The following NIM1K variants were observed in gnomAD, a reference collection of about 807,000 sequenced individuals.
The protein encoded by NIM1K is serine/threonine-protein kinase NIM1.
NIM1K carries 35 observed loss-of-function variants against 37.1 expected under a neutral mutation model. That is an observed-to-expected ratio of 0.94 (90% CI 0.72 to 1.25). The LOEUF (loss-of-function observed/expected upper bound fraction) is 1.25, where lower values mean the gene tolerates loss of function less well. Among genes scored for constraint, NIM1K ranks in the 50% most tolerant of loss-of-function variants. The pLI is 0.00. For missense variants in NIM1K, 564 were observed against 548.0 expected, an observed-to-expected ratio of 1.03 and a Z score of -0.29; for synonymous variants, 234 against 206.6, an observed-to-expected ratio of 1.13 and a Z score of -1.14.
intron 1 of NIM1K, among the ~76,000 whole-genome samples, chr5:43,223,975 TC>T (rs200182408): frequency 1.6e-4 from 1 of 6,104 alleles, no homozygotes; most frequent in African/African-American, 1.9e-4. Flanking sequence ...CATGAAAGAT[TC>T]TTTTTTGAGG....
intron 1 of NIM1K, among the ~76,000 whole-genome samples, chr5:43,242,349 A>G (rs1209657634): frequency 2.0e-5 from 3 of 151,846 alleles, no homozygotes; most frequent in Non-Finnish European, 2.9e-5. Context: ...AAAGCAGAGA[A>G]CAAGCCCTGA....
intron 2 of NIM1K, among the ~76,000 whole-genome samples, chr5:43,265,841 A>G (rs1056085298): frequency 3.9e-5 from 6 of 152,180 alleles, no homozygotes; most frequent in Admixed American, 2.6e-4. Context: ...TTTTCCTTCT[A>G]ACAGACAGGA....
At chr5:43,270,302 CT>C (rs960085502) in intron 2 of NIM1K, among the ~76,000 whole-genome samples, 18 of 152,130 alleles carry the variant, frequency 1.2e-4, no homozygotes, top group Admixed American at 5.2e-4. Flanking sequence ...AGAAAGAAAG[CT>C]TTTTTGGAGG....
Position 43,280,450 on chromosome 5 carries a change from G to C in NIM1K, c.1032G>C (p.Leu344Phe), listed in dbSNP as rs1244155981. ...LEPFQLDPKH[L>F]SETSTLKEEE... ...CTTTCCAACTGGATCCCAAACATTTGTCGGAAACCAGCACTCTCAAGGAAG... is the reference window on the plus strand; with the variant it reads ...CTTTCCAACTGGATCCCAAACATTTCTCGGAAACCAGCACTCTCAAGGAAG... The change falls in exon 4 of 4, where the codon TTG (leucine) becomes TTC (phenylalanine). Residue 344 changes from leucine to phenylalanine, a missense_variant. Leu to Phe is a conservative substitution (Grantham distance 22). Coordinates refer to ENST00000326035, the MANE Select transcript of NIM1K (RefSeq NM_153361.4). The C allele has an allele frequency of 6.2e-7, 1 of 1,614,016 alleles. No homozygotes were observed. Among genetic ancestry groups the C allele is most frequent in the African/African-American group, 1.3e-5 (1 of 74,894 alleles).
At chr5:43,217,504 A>T (rs1287239986) in intron 1 of NIM1K, among the ~76,000 whole-genome samples, 1 of 150,694 alleles carries the variant, frequency 6.6e-6, no homozygotes, top group African/African-American at 2.4e-5. Context: ...TTACGTTCCA[A>T]CCAGCAGCAT....
In NIM1K at chr5:43,213,273, C is replaced by CT. The variant is rs1481836613; in HGVS notation, c.-695+20865dup. On this transcript the variant is annotated intron_variant, in intron 1 of 3. Coordinates refer to ENST00000326035, the MANE Select transcript of NIM1K (RefSeq NM_153361.4). ...TTCTTGTTCTTTCTTGTTTCTTTTT[C>CT]TTTCTTGTTTCCTTTCCTTTTCTTT... Among the ~76,000 whole-genome samples, 73 of 134,766 alleles carry CT rather than the reference C, an allele frequency of 5.4e-4. 10 individuals are homozygous for CT. The highest frequency in any genetic ancestry group is 1.8e-3 in the African/African-American group (63 of 34,910). The allele number at this position is 134,766 out of a possible 152,430, so 88.4% of individuals were successfully genotyped here. A position where few individuals can be genotyped will look rare whatever the true frequency, so the allele number is the denominator to read the frequency against.
chr5:43,274,285 T>C (rs1348606386), intron 2 of NIM1K, among the ~76,000 whole-genome samples: 1 of 152,196 alleles, frequency 6.6e-6, no homozygotes, highest in Non-Finnish European at 1.5e-5. Flanking sequence ...GATGGCAGCC[T>C]GACACCTACC....
chr5:43,245,981 A>G lies in NIM1K; in HGVS notation c.206A>G (p.Lys69Arg). The G allele has an allele frequency of 1.2e-6, 2 of 1,614,120 alleles. No homozygotes were observed. Among genetic ancestry groups the G allele is most frequent in the Non-Finnish European group, 1.7e-6 (2 of 1,179,994 alleles). Residue 69 changes from lysine to arginine, a missense_variant, in exon 2 of 4, where the codon AAA (lysine) becomes AGA (arginine). Coordinates refer to ENST00000326035, the MANE Select transcript of NIM1K (RefSeq NM_153361.4). ...EKVVREITLGKRIGFYRIRGE... is the reference protein window; with the variant it reads ...EKVVREITLGRRIGFYRIRGE... Reference sequence around the variant, plus strand: ...GTGGTGAGGGAGATCACGCTGGGGAAACGGATAGGCTTCTACCGAATTCGA... The same window carrying G: ...GTGGTGAGGGAGATCACGCTGGGGAGACGGATAGGCTTCTACCGAATTCGA...
chr5:43,205,908 T>G (rs1180085157), intron 1 of NIM1K, among the ~76,000 whole-genome samples: 2 of 152,022 alleles, frequency 1.3e-5, no homozygotes, highest in Non-Finnish European at 2.9e-5. Context: ...GAGACGGGGT[T>G]TTACTGTGTT....
chr5:43,269,493 T>C (rs114209947), intron 2 of NIM1K, among the ~76,000 whole-genome samples: 220 of 152,224 alleles, frequency 1.4e-3, no homozygotes, highest in African/African-American at 5.2e-3. Flanking sequence ...ATCTGTATGT[T>C]TTCAGTGGAG....
intron 1 of NIM1K, among the ~76,000 whole-genome samples, chr5:43,205,767 T>G (rs1202882523): frequency 6.6e-6 from 1 of 152,138 alleles, no homozygotes; most frequent in East Asian, 1.9e-4. Context: ...GGCTGGAGTG[T>G]AGTCTTGCGA....
At chr5:43,232,389 A>C in intron 1 of NIM1K, 1 of 1,409,160 alleles carries the variant, frequency 7.1e-7, no homozygotes, top group Non-Finnish European at 1.0e-6. Flanking sequence ...ATGGGGGGAT[A>C]GGCCACCAGC....
At chr5:43,264,242 T>C (rs984523614) in intron 2 of NIM1K, among the ~76,000 whole-genome samples, 4 of 152,172 alleles carry the variant, frequency 2.6e-5, no homozygotes, top group Admixed American at 2.6e-4. Flanking sequence ...CCCATTATTA[T>C]TGTTTGGGAG....
intron 1 of NIM1K, among the ~76,000 whole-genome samples, chr5:43,236,687 A>G (rs1752626914): frequency 6.6e-6 from 1 of 152,206 alleles, no homozygotes; most frequent in African/African-American, 2.4e-5. Flanking sequence ...CATTGATGGC[A>G]AAGGGAACCT....
chr5:43,278,289 C>T (rs1449405933), intron 3 of NIM1K, among the ~76,000 whole-genome samples: 1 of 152,208 alleles, frequency 6.6e-6, no homozygotes, highest in African/African-American at 2.4e-5. Flanking sequence ...AAGCGATCCA[C>T]CTGCCTCGGT....
chr5:43,280,317 G>T lies in NIM1K; in HGVS notation c.899G>T (p.Arg300Leu), dbSNP rs753908090. ...CCGCACGTGTCAGAGCCCTGCCACCGACTCATCCGAGGAGTCCTTCAGCAG... is the reference window on the plus strand; with the variant it reads ...CCGCACGTGTCAGAGCCCTGCCACCTACTCATCCGAGGAGTCCTTCAGCAG... ...VPPHVSEPCH[R>L]LIRGVLQQIP... The change falls in exon 4 of 4, where the codon CGA becomes CTA. Residue 300 changes from arginine to leucine, a missense_variant. By Grantham distance (102) the Arg-to-Leu change is moderately radical. Transcript: ENST00000326035. The T allele has an allele frequency of 6.2e-7, 1 of 1,614,014 alleles. No homozygotes were observed. Among genetic ancestry groups the T allele is most frequent in the Non-Finnish European group, 8.5e-7 (1 of 1,180,044 alleles).
intron 1 of NIM1K, among the ~76,000 whole-genome samples, chr5:43,206,527 TG>T (rs1752114393): frequency 7.0e-6 from 1 of 143,360 alleles, no homozygotes; most frequent in Admixed American, 7.0e-5. Context: ...AAAAATAGGT[TG>T]GGGGAGAAAA....
chr5:43,273,541 C>G (rs1001071062), intron 2 of NIM1K, among the ~76,000 whole-genome samples: 1 of 152,180 alleles, frequency 6.6e-6, no homozygotes, highest in Non-Finnish European at 1.5e-5. Context: ...ACTCAGATTA[C>G]AACCCTTTTT....
At position 43,277,773 on chromosome 5, in the gene NIM1K, C is replaced by G. The variant is rs575090324; in HGVS notation, c.561+448C>G. ...CTCTCTCTCTCTCTCCCCCACCCCC[C>G]CTCTCCGTGTGTGTGTGTGTGTGTG... On this transcript the variant is annotated intron_variant, in intron 3 of 3. Coordinates refer to ENST00000326035, the MANE Select transcript of NIM1K (RefSeq NM_153361.4). Among the ~76,000 whole-genome samples the G allele has an allele frequency of 4.6e-3, 681 of 146,838 alleles. 4 individuals are homozygous for G. The highest frequency in any genetic ancestry group is 0.017 in the African/African-American group (651 of 38,200).
Sources: gnomAD v4.1 joint callset for allele counts (sites outside exome capture counted in the v4.1 genomes callset) on GRCh38, gnomAD v4.1.1 for gene constraint, MANE v1.5 for transcripts, NCBI Gene and HGNC (gene_info 2026-07-23, HGNC 2026-07-21) for gene names.